WDFY3: variants seen among roughly 807,000 people sequenced by gnomAD.
The protein encoded by WDFY3 is WD repeat and FYVE domain-containing protein 3.
A neutral mutation model predicts 409.6 loss-of-function variants in WDFY3; 66 were observed. The ratio of observed to expected loss-of-function variants is 0.16; its 90% CI spans 0.13 to 0.20. WDFY3 has a LOEUF of 0.20. WDFY3 is among the 10% of genes least tolerant of loss of function. The pLI, the probability that WDFY3 is intolerant of heterozygous loss-of-function variation, is 1.00. For missense variants in WDFY3, 3,031 were observed against 4,298.1 expected, an observed-to-expected ratio of 0.71 and a Z score of 8.24; for synonymous variants, 1,521 against 1,537.1, an observed-to-expected ratio of 0.99 and a Z score of 0.25.
rs146651158 is a variant in WDFY3 at position 84,941,942 on chromosome 4, G to A, written c.-225-9579C>T. On this transcript the variant is annotated intron_variant, in intron 1 of 67. Transcript: ENST00000295888. ...AAGGAAAAATTTTTCACTAGCCAGT[G>A]CTACAGTAATCAGATATCCACAACC... 2.0e-3 allele frequency among the ~76,000 whole-genome samples: 301 copies of A among 152,032 alleles called. 1 individual carries two copies. The highest frequency in any genetic ancestry group is 6.7e-3 in the African/African-American group (278 of 41,522).
intron 53 of WDFY3, among the ~76,000 whole-genome samples, chr4:84,707,993 T>A (rs1016273769): frequency 2.0e-5 from 3 of 152,236 alleles, no homozygotes; most frequent in Non-Finnish European, 2.9e-5. Flanking sequence ...TTCTAGTGAA[T>A]AAGAACGTTC....
In WDFY3 at chr4:84,679,082, A is replaced by G; in HGVS notation, c.9984T>C (p.Ser3328=). ...ATAAWCTDSG[S]DDSRRWSDQL... is the part of the protein sequence containing the mutation. ...GGTCGGACCAGCGTCTGGAGTCGTC[A>G]GAGCCACTGTCAGTACACCAGGCGG... Residue 3328 remains serine (S), a synonymous_variant, in exon 65 of 68, where the codon TCT becomes TCC. Transcript: ENST00000295888. The G allele has an allele frequency of 6.2e-7, 1 of 1,614,216 alleles. No homozygotes were observed.
rs1745273062 is a variant in WDFY3 at position 84,774,828 on chromosome 4, A to T, written c.4746T>A (p.Asp1582Glu). ...FLLQGFPSSN[D>E]LLRFGQFISS... is the part of the protein sequence containing the mutation. ...AAAGAAGTTTTTCCTACCTGAGCAG[A>T]TCATTGCTGCTAGGAAAACCTTGCA... The change falls in exon 29 of 68, where the codon GAT becomes GAA. Residue 1582 changes from aspartate to glutamate, a missense_variant. By Grantham distance (45) the Asp-to-Glu change is conservative (BLOSUM62 2). Coordinates refer to ENST00000295888, the MANE Select transcript of WDFY3 (RefSeq NM_014991.6). The T allele has an allele frequency of 6.2e-7, 1 of 1,609,670 alleles. No homozygotes were observed. Among genetic ancestry groups the T allele is most frequent in the Non-Finnish European group, 8.5e-7 (1 of 1,178,808 alleles).
chr4:84,738,360 G>A (rs964238328), intron 40 of WDFY3, among the ~76,000 whole-genome samples: 2 of 152,066 alleles, frequency 1.3e-5, no homozygotes, highest in African/African-American at 2.4e-5. Flanking sequence ...ACTTTGGGAG[G>A]CCAAGGCCGG....
chr4:84,700,248 A>G (rs1365750709), intron 56 of WDFY3, among the ~76,000 whole-genome samples: 1 of 152,230 alleles, frequency 6.6e-6, no homozygotes, highest in Non-Finnish European at 1.5e-5. Flanking sequence ...TTTATCACCC[A>G]GGTTGGAGTG....
chr4:84,713,138 T>C (rs1200044676), intron 51 of WDFY3, 21 bp downstream of exon 51: 2 of 1,610,856 alleles, frequency 1.2e-6, no homozygotes, highest in Middle Eastern at 1.7e-4. Flanking sequence ...AACTGTAACA[T>C]GCAAGGAACA....
At chr4:84,832,264 T>C (rs979219383) in intron 7 of WDFY3, among the ~76,000 whole-genome samples, 1 of 152,162 alleles carries the variant, frequency 6.6e-6, no homozygotes, top group Non-Finnish European at 1.5e-5. Flanking sequence ...AATGCTTTCA[T>C]TCATATGTAG....
rs1345610665 is a variant in WDFY3 at position 84,966,291 on chromosome 4, G to A, written c.-308C>T. 3.3e-5 allele frequency: 5 copies of A among 149,538 alleles called. No individual in the cohort carries two copies. The highest frequency in any genetic ancestry group is 4.9e-5 in the African/African-American group (2 of 41,090). 9.3% of individuals were successfully genotyped at this position (149,538 alleles called of 1,614,324 possible). On this transcript the variant is annotated 5_prime_UTR_variant, in exon 1 of 68. Coordinates refer to ENST00000295888, the MANE Select transcript of WDFY3 (RefSeq NM_014991.6). ...CCGGGGCTCCGCGCCGAGGGCGCAC[G>A]GGCTACGGGGAAGGGGCGACCGGCG... is the stretch of plus-strand genomic sequence containing the variant.
intron 2 of WDFY3, among the ~76,000 whole-genome samples, chr4:84,912,455 T>C (rs573554396): frequency 2.0e-5 from 3 of 152,190 alleles, no homozygotes; most frequent in Admixed American, 6.5e-5. Flanking sequence ...AGGGTTGCTA[T>C]AAGAAAGGCA....
chr4:84,876,745 T>C (rs1304079975), intron 3 of WDFY3, among the ~76,000 whole-genome samples: 1 of 152,182 alleles, frequency 6.6e-6, no homozygotes, highest in Non-Finnish European at 1.5e-5. Context: ...AGATTTTCTG[T>C]TCAGATATTC....
intron 16 of WDFY3, 82 bp from the exon 17 acceptor site, chr4:84,801,946 T>G (rs917949343): frequency 2.4e-5 from 34 of 1,401,518 alleles, no homozygotes; most frequent in Middle Eastern, 3.9e-4. Flanking sequence ...AGCATACCTT[T>G]TTAATTTTTT....
intron 3 of WDFY3, among the ~76,000 whole-genome samples, chr4:84,861,234 A>C (rs962074788): frequency 6.6e-6 from 1 of 152,068 alleles, no homozygotes; most frequent in Non-Finnish European, 1.5e-5. Context: ...TAAAAACATA[A>C]AGAGAAAGAG....
chr4:84,710,889 CAT>C (rs1732768746), intron 51 of WDFY3, among the ~76,000 whole-genome samples: 1 of 152,062 alleles, frequency 6.6e-6, no homozygotes, highest in Non-Finnish European at 1.5e-5. Flanking sequence ...AACAACAACA[CAT>C]ATGATTAGGA....
At chr4:84,774,013 C>G (rs188071902) in intron 29 of WDFY3, among the ~76,000 whole-genome samples, 1 of 152,214 alleles carries the variant, frequency 6.6e-6, no homozygotes, top group East Asian at 1.9e-4. Flanking sequence ...AGCCACTGCA[C>G]CCGGCCCCCC....
chr4:84,938,681 AACTT>A (rs1771735861), intron 1 of WDFY3, among the ~76,000 whole-genome samples: 1 of 152,188 alleles, frequency 6.6e-6, no homozygotes, highest in African/African-American at 2.4e-5. Flanking sequence ...AATAATTCCA[AACTT>A]ACAGAAAAGT....
At chr4:84,795,387 C>A (rs917743702) in intron 19 of WDFY3, among the ~76,000 whole-genome samples, 1 of 152,080 alleles carries the variant, frequency 6.6e-6, no homozygotes, top group African/African-American at 2.4e-5. Context: ...TGATAATGAC[C>A]CATGATAATA....
chr4:84,694,451 A>C (rs1729776795), intron 58 of WDFY3, among the ~76,000 whole-genome samples: 1 of 152,236 alleles, frequency 6.6e-6, no homozygotes, highest in Non-Finnish European at 1.5e-5. Flanking sequence ...TTCTACTTCA[A>C]AGTAGCACAA....
intron 15 of WDFY3, among the ~76,000 whole-genome samples, chr4:84,807,118 C>T (rs1275713681): frequency 2.6e-5 from 4 of 152,088 alleles, no homozygotes; most frequent in Admixed American, 1.3e-4. Flanking sequence ...ATTCCTTGGG[C>T]TCATGAACAA....
rs904465470 is a variant in WDFY3, at chr4:84,934,409, G to A, written c.-225-2046C>T. 2.6e-5 allele frequency among the ~76,000 whole-genome samples: 4 copies of A among 152,140 alleles called. No homozygotes were observed. In the East Asian group the frequency reaches 7.7e-4, roughly 29 times the overall value. On this transcript the variant is annotated intron_variant, in intron 1 of 67. Transcript: ENST00000295888. ...TCTTTAAAAGTCTACCTCTTGGGTAGTTTCTAAGAAATATCCTGAATTATT... is the reference window on the plus strand; with the variant it reads ...TCTTTAAAAGTCTACCTCTTGGGTAATTTCTAAGAAATATCCTGAATTATT...
Sources: allele counts gnomAD v4.1 joint callset (sites outside exome capture counted in the v4.1 genomes callset), GRCh38; gene constraint gnomAD v4.1.1; transcripts MANE v1.5; gene names NCBI Gene and HGNC (gene_info 2026-07-23, HGNC 2026-07-21).